Variants in PRORP observed in about 807,000 individuals in gnomAD.
The protein encoded by PRORP is mitochondrial ribonuclease P catalytic subunit.
Under a neutral mutation model 59.4 loss-of-function variants are expected in PRORP, and 51 were observed. The ratio of observed to expected loss-of-function variants is 0.86; its 90% CI spans 0.69 to 1.08. PRORP has a LOEUF of 1.08. Ranked by LOEUF, PRORP falls within the 50% of genes least tolerant of loss-of-function variation. The pLI is 0.00. For synonymous variants in PRORP, 231 were observed against 245.6 expected (o/e 0.94, Z 0.55); for missense variants, 646 against 690.3 (o/e 0.94, Z 0.72).
At position 35,172,490 on chromosome 14, in the gene PRORP, TCCTCTCTCCCTCTCTC is replaced by T. The variant is rs374315224; in HGVS notation, c.1168-8155_1168-8140del. On this transcript the variant is annotated intron_variant, in intron 4 of 7. Coordinates refer to ENST00000534898, the MANE Select transcript of PRORP (RefSeq NM_014672.4). ...TTTCCCCTCTTTCCTTTCTTTCCCT[TCCTCTCTCCCTCTCTC>T]CCTCTCTCCCTCTCTCCCTCTCTCT... is the stretch of plus-strand genomic sequence containing the variant. 3.5e-3 allele frequency among the ~76,000 whole-genome samples: 363 copies of T among 102,970 alleles called. 5 individuals carry two copies. Among genetic ancestry groups the T allele is most frequent in the Middle Eastern group, 0.022 (5 of 226 alleles). The allele number at this position is 102,970 out of a possible 152,430, so 67.6% of individuals were successfully genotyped here.
At chr14:35,249,755 T>A (rs1402849799) in intron 5 of PRORP, among the ~76,000 whole-genome samples, 3 of 152,224 alleles carry the variant, frequency 2.0e-5, no homozygotes, top group Non-Finnish European at 2.9e-5. Flanking sequence ...AGGACTTCCA[T>A]ATTTTATGGA....
At chr14:35,215,231 G>A (rs2049556075) in intron 5 of PRORP, among the ~76,000 whole-genome samples, 1 of 152,118 alleles carries the variant, frequency 6.6e-6, no homozygotes, top group Non-Finnish European at 1.5e-5. Flanking sequence ...CAGGTTGCCT[G>A]TGAAGAACAA....
chr14:35,233,851 T>A (rs1275463940), intron 5 of PRORP, among the ~76,000 whole-genome samples: 1 of 152,214 alleles, frequency 6.6e-6, no homozygotes, highest in Non-Finnish European at 1.5e-5. Context: ...AAGAAGTCTG[T>A]GCTCTGCATT....
intron 5 of PRORP, among the ~76,000 whole-genome samples, chr14:35,207,533 A>G (rs920106407): frequency 6.6e-6 from 1 of 152,204 alleles, no homozygotes; most frequent in African/African-American, 2.4e-5. Flanking sequence ...CCATGTTGCT[A>G]CAGCCTTCCT....
intron 5 of PRORP, among the ~76,000 whole-genome samples, chr14:35,228,350 TAC>T (rs975679432): frequency 1.3e-5 from 2 of 152,202 alleles, no homozygotes; most frequent in African/African-American, 4.8e-5. Context: ...ACAGATTTGT[TAC>T]ACAGATATAT....
intron 4 of PRORP, chr14:35,158,433 A>G (rs2047974428): frequency 1.3e-5 from 4 of 315,784 alleles, no homozygotes; most frequent in South Asian, 8.1e-5. Context: ...TAGTATTACT[A>G]CCTACCTAAG....
chr14:35,171,113 T>C (rs891819259), intron 4 of PRORP, among the ~76,000 whole-genome samples: 2 of 152,174 alleles, frequency 1.3e-5, no homozygotes, highest in Non-Finnish European at 2.9e-5. Flanking sequence ...CCTCCCAAAG[T>C]GCTGGGATTA....
intron 5 of PRORP, among the ~76,000 whole-genome samples, chr14:35,236,188 G>A (rs2050208322): frequency 6.6e-6 from 1 of 151,556 alleles, no homozygotes; most frequent in Admixed American, 6.6e-5. Flanking sequence ...CAAAGTAACA[G>A]GATTAGACAT....
At chr14:35,181,609 A>G (rs1429103166) in intron 5 of PRORP, among the ~76,000 whole-genome samples, 1 of 151,984 alleles carries the variant, frequency 6.6e-6, no homozygotes, top group Admixed American at 6.6e-5. Context: ...ACATGGTGAA[A>G]CCCTGTCTCT....
At chr14:35,153,984 A>G (rs1341835244) in intron 4 of PRORP, among the ~76,000 whole-genome samples, 1 of 152,230 alleles carries the variant, frequency 6.6e-6, no homozygotes, top group Admixed American at 6.5e-5. Context: ...CTTAACATAT[A>G]TCTTTATAAT....
At chr14:35,252,513 T>A (rs941973337) in intron 5 of PRORP, among the ~76,000 whole-genome samples, 1 of 152,226 alleles carries the variant, frequency 6.6e-6, no homozygotes, top group African/African-American at 2.4e-5. Flanking sequence ...CCTTCTTTCA[T>A]GGTGCAGGCA....
intron 4 of PRORP, among the ~76,000 whole-genome samples, chr14:35,143,000 C>CT (rs904146129): frequency 1.4e-5 from 2 of 144,378 alleles, no homozygotes; most frequent in Non-Finnish European, 3.1e-5. Flanking sequence ...TCTTAAACAG[C>CT]TTTCTTTGTT....
In PRORP at chr14:35,129,869, TAAAC is replaced by T. The variant is rs1394792789; in HGVS notation, c.1167+2265_1167+2268del. 5.9e-5 allele frequency among the ~76,000 whole-genome samples: 9 copies of T among 152,318 alleles called. No individual in the cohort carries two copies. The East Asian group carries it at 1.2e-3, about 20-fold the overall frequency. On this transcript the variant is annotated intron_variant, in intron 4 of 7. Transcript: ENST00000534898. Reference sequence around the variant, plus strand: ...AAGCTGATAATAATTTAACACTGTATAAACAAACAAGCAAAAAGAAAACTAATAA... The same window carrying T: ...AAGCTGATAATAATTTAACACTGTATAAACAAGCAAAAAGAAAACTAATAA...
chr14:35,184,777 T>C (rs528082702), intron 5 of PRORP, among the ~76,000 whole-genome samples: 43 of 152,218 alleles, frequency 2.8e-4, no homozygotes, highest in Non-Finnish European at 5.9e-4. Flanking sequence ...ATGTAGTATT[T>C]GGATGTCTGT....
At chr14:35,244,854 A>T (rs1017525492) in intron 5 of PRORP, among the ~76,000 whole-genome samples, 2 of 152,176 alleles carry the variant, frequency 1.3e-5, no homozygotes, top group African/African-American at 4.8e-5. Context: ...ACTTCTGTGT[A>T]AATAATTTTC....
chr14:35,244,718 T>C (rs1325841163), intron 5 of PRORP, among the ~76,000 whole-genome samples: 2 of 152,208 alleles, frequency 1.3e-5, no homozygotes, highest in African/African-American at 4.8e-5. Flanking sequence ...ACTAACACCT[T>C]TGTACCCACC....
At chr14:35,237,088 C>CCT in intron 5 of PRORP, among the ~76,000 whole-genome samples, 6 of 142,272 alleles carry the variant, frequency 4.2e-5, no homozygotes, top group Non-Finnish European at 7.8e-5. Context: ...CCTTCCTTCT[C>CCT]TCTCTCTCTC....
intron 4 of PRORP, among the ~76,000 whole-genome samples, chr14:35,146,971 C>T (rs1040810913): frequency 6.6e-6 from 1 of 151,882 alleles, no homozygotes; most frequent in Admixed American, 6.6e-5. Context: ...GTGGTGTGTA[C>T]CTGTAGTCCT....
intron 7 of PRORP, among the ~76,000 whole-genome samples, chr14:35,272,807 C>A (rs1400570986): frequency 2.6e-5 from 4 of 152,094 alleles, no homozygotes; most frequent in Non-Finnish European, 5.9e-5. Context: ...GTTTCAGGAC[C>A]TCTCACAGAT....
Sources: allele counts gnomAD v4.1 joint callset (sites outside exome capture counted in the v4.1 genomes callset), GRCh38; gene constraint gnomAD v4.1.1; transcripts MANE v1.5; gene names NCBI Gene and HGNC (gene_info 2026-07-23, HGNC 2026-07-21).